Variants in SYNE2 observed in about 807,000 individuals in gnomAD.
SYNE2 encodes the protein spectrin repeat containing nuclear envelope protein 2, also known as nesprin-2.
A neutral mutation model predicts 856.3 loss-of-function variants in SYNE2; 431 were observed. The ratio of observed to expected loss-of-function variants is 0.50; its 90% CI spans 0.47 to 0.55. SYNE2 has a LOEUF of 0.55. Ranked by LOEUF, SYNE2 falls within the 20% of genes least tolerant of loss-of-function variation. The pLI, the probability that SYNE2 is intolerant of heterozygous loss-of-function variation, is 0.00. For missense variants in SYNE2, 8,129 were observed against 8,023.2 expected (o/e 1.01, Z -0.50); for synonymous variants, 2,923 against 2,872.3 (o/e 1.02, Z -0.56).
rs1281303828 is a variant in SYNE2, at chr14:64,071,846, G to A, written c.10697+936G>A. On this transcript the variant is annotated intron_variant, in intron 52 of 115. Transcript: ENST00000555002. ...GGCCTGGTCAACATGGTAAAACCCC[G>A]TCTCTACTAAAAATACAAAAAATTA... 3.9e-5 allele frequency among the ~76,000 whole-genome samples: 6 copies of A among 151,914 alleles called. No individual in the cohort carries two copies. In the South Asian group the frequency reaches 6.2e-4, roughly 16 times the overall value.
intron 1 of SYNE2, among the ~76,000 whole-genome samples, chr14:63,824,637 T>TAAA: frequency 1.6e-5 from 1 of 61,910 alleles, no homozygotes; most frequent in African/African-American, 5.0e-5. Flanking sequence ...AGAATCTGTC[T>TAAA]CAAAAAAAAA....
chr14:63,763,003 T>C (rs1886544485), intron 1 of SYNE2, among the ~76,000 whole-genome samples: 1 of 152,240 alleles, frequency 6.6e-6, no homozygotes, highest in Non-Finnish European at 1.5e-5. Flanking sequence ...GAGTCTCACC[T>C]GTGGCCCAGC....
At position 64,126,395 on chromosome 14, in the gene SYNE2, T is replaced by TCAGTG. The variant is rs1379836463; in HGVS notation, c.13625_13629dup (p.Leu4544SerfsTer34). 1 of 1,614,062 alleles carries TCAGTG rather than the reference T, an allele frequency of 6.2e-7. No individual in the cohort carries two copies. Among genetic ancestry groups the TCAGTG allele is most frequent in the Non-Finnish European group, 8.5e-7 (1 of 1,180,024 alleles). ...TGTTTGAACTATTCCTGACCCTCAG[T>TCAGTG]CAGTGCCTCAGCAGTGTGGAGGAGA... is the stretch of plus-strand genomic sequence containing the variant. On this transcript the variant is annotated frameshift_variant, in exon 72 of 116. Coordinates refer to ENST00000555002, the MANE Select transcript of SYNE2 (RefSeq NM_182914.3). LOFTEE classifies it high-confidence loss of function.
chr14:64,081,861 C>T (rs996711961), intron 57 of SYNE2, among the ~76,000 whole-genome samples: 4 of 151,970 alleles, frequency 2.6e-5, no homozygotes, highest in South Asian at 2.1e-4. Flanking sequence ...AGAATGTGGG[C>T]GGATCACAAG....
intron 2 of SYNE2, among the ~76,000 whole-genome samples, chr14:63,917,611 C>T (rs1457808088): frequency 7.2e-5 from 11 of 152,146 alleles, no homozygotes; most frequent in Non-Finnish European, 1.5e-4. Context: ...GTTGGGATTA[C>T]AGGCATGAGC....
intron 85 of SYNE2, among the ~76,000 whole-genome samples, chr14:64,155,398 A>G (rs1383634808): frequency 6.6e-6 from 1 of 152,212 alleles, no homozygotes; most frequent in Non-Finnish European, 1.5e-5. Context: ...TGGAATAACC[A>G]GAATGGACAA....
At chr14:64,198,396 C>T (rs973651133) in intron 99 of SYNE2, among the ~76,000 whole-genome samples, 1 of 152,210 alleles carries the variant, frequency 6.6e-6, no homozygotes, top group Non-Finnish European at 1.5e-5. Context: ...ACAAATACTT[C>T]CTGACCTGGG....
chr14:64,081,736 G>A (rs1250980022), intron 57 of SYNE2, among the ~76,000 whole-genome samples, 156 bp downstream of exon 57: 1 of 152,158 alleles, frequency 6.6e-6, no homozygotes, highest in Non-Finnish European at 1.5e-5. Context: ...GTGGCAAGCA[G>A]TAGACATGGA....
At chr14:64,021,606 A>T in intron 36 of SYNE2, 91 bp downstream of exon 36, 1 of 1,509,862 alleles carries the variant, frequency 6.6e-7, no homozygotes, top group South Asian at 1.2e-5. Flanking sequence ...AAAAATAGAA[A>T]AAAAAAGTCG....
At chr14:64,187,625 AT>A (rs2098498840) in intron 97 of SYNE2, among the ~76,000 whole-genome samples, 1 of 152,210 alleles carries the variant, frequency 6.6e-6, no homozygotes, top group African/African-American at 2.4e-5. Flanking sequence ...ATATATAAGC[AT>A]TCAGTATTTT....
chr14:63,960,545 A>G (rs1055070923), intron 8 of SYNE2, among the ~76,000 whole-genome samples: 3 of 152,012 alleles, frequency 2.0e-5, no homozygotes, highest in South Asian at 2.1e-4. Context: ...ACCCACATTT[A>G]TTGGCTCTCT....
At chr14:63,925,700 CTCTCTA>C (rs1467677139) in intron 2 of SYNE2, among the ~76,000 whole-genome samples, 1 of 152,206 alleles carries the variant, frequency 6.6e-6, no homozygotes, top group Admixed American at 6.5e-5. Context: ...CATTCTTCTA[CTCTCTA>C]TCTCTATGAG....
chr14:64,125,310 A>G lies in SYNE2; in HGVS notation c.13554+100A>G, dbSNP rs1350909105. ...CATAATTGTCGTCACTGAACAAGTC[A>G]TGGAACACATAATGGAATGGGTCCT... On this transcript the variant is annotated intron_variant, in intron 71 of 115. Transcript: ENST00000555002. 5 of 1,516,076 alleles carry G rather than the reference A, an allele frequency of 3.3e-6. No homozygotes were observed. The African/African-American group carries it at 5.5e-5, about 17-fold the overall frequency. 93.9% of individuals were successfully genotyped at this position (1,516,076 alleles called of 1,614,324 possible).
intron 97 of SYNE2, among the ~76,000 whole-genome samples, chr14:64,186,783 CT>C (rs1352187554): frequency 6.6e-6 from 1 of 152,226 alleles, no homozygotes; most frequent in Non-Finnish European, 1.5e-5. Flanking sequence ...AATGCTAGAA[CT>C]TTGCACGCTT....
chr14:64,183,398 G>A (rs2153742368), intron 96 of SYNE2, among the ~76,000 whole-genome samples: 1 of 152,000 alleles, frequency 6.6e-6, no homozygotes, highest in Non-Finnish European at 1.5e-5. Flanking sequence ...TAGACGGGAT[G>A]GCAGCCAGGA....
upstream of SYNE2, among the ~76,000 whole-genome samples, chr14:63,761,855 C>T (rs1035292154): frequency 1.3e-5 from 2 of 152,170 alleles, no homozygotes; most frequent in African/African-American, 4.8e-5. Flanking sequence ...CCAAACCTCT[C>T]CCAGAGTCAG....
intron 45 of SYNE2, among the ~76,000 whole-genome samples, chr14:64,044,031 T>C (rs2097168237): frequency 6.6e-6 from 1 of 152,186 alleles, no homozygotes; most frequent in Non-Finnish European, 1.5e-5. Context: ...CAAATGCCAC[T>C]GTCCTCCAGA....
intron 1 of SYNE2, among the ~76,000 whole-genome samples, chr14:63,772,764 A>G (rs1886964740): frequency 6.6e-6 from 1 of 152,040 alleles, no homozygotes; most frequent in Non-Finnish European, 1.5e-5. Flanking sequence ...AGAACAAAAC[A>G]AAAATCTAAG....
chr14:64,027,792 A>T lies in SYNE2; in HGVS notation c.6713A>T (p.Gln2238Leu). Reference protein sequence around the residue: ...HLHESLLQQLQDSVQNLDGHV... With the variant: ...HLHESLLQQLLDSVQNLDGHV... ...CACGAAAGTCTTCTTCAACAACTGC[A>T]GGTGAGGTGGTCAAAATAATGCTTT... The change falls in exon 43 of 116, where the codon CAG becomes CTG. Residue 2238 changes from glutamine (Q) to leucine (L), a missense_variant and splice_region_variant. Physicochemically the swap from Gln to Leu is moderately radical, Grantham distance 113. Around this residue, in one of 3 missense-constraint regions of SYNE2, gnomAD observed 297 missense variants for 380.9 expected, o/e 0.78. Transcript: ENST00000555002. 1 of 1,613,226 alleles carries T rather than the reference A, an allele frequency of 6.2e-7. No homozygotes were observed. Among genetic ancestry groups the T allele is most frequent in the Non-Finnish European group, 8.5e-7 (1 of 1,179,144 alleles).
Sources: gnomAD v4.1 joint callset for allele counts (sites outside exome capture counted in the v4.1 genomes callset) on GRCh38, gnomAD v4.1.1 for gene constraint, gnomAD v4.1.1 regional missense constraint, MANE v1.5 for transcripts, NCBI Gene and HGNC (gene_info 2026-07-23, HGNC 2026-07-21) for gene names.